Variants in DNAJA3 observed in about 807,000 individuals in gnomAD.
DNAJA3 encodes dnaJ homolog subfamily A member 3, mitochondrial.
Under a neutral mutation model 54.9 loss-of-function variants are expected in DNAJA3, and 29 were observed. The observed-to-expected ratio is 0.53, with a 90% CI of 0.39 to 0.72. The LOEUF (loss-of-function observed/expected upper bound fraction) is 0.72, where lower values mean the gene tolerates loss of function less well. Among genes scored for constraint, DNAJA3 ranks in the 30% least tolerant of loss-of-function variants. DNAJA3 has a pLI of 0.00. For missense variants in DNAJA3, 708 were observed against 639.4 expected (o/e 1.11, Z -1.16); for synonymous variants, 302 against 251.4 (o/e 1.20, Z -1.90).
At chr16:4,450,606 G>C (rs2056966571) in intron 10 of DNAJA3, 109 bp downstream of exon 10, 1 of 838,398 alleles carries the variant, frequency 1.2e-6, no homozygotes, top group Admixed American at 2.9e-5. Context: ...TCTTCATGAA[G>C]CCTTTAAAAT....
chr16:4,449,156 C>T (rs943402583), intron 9 of DNAJA3, among the ~76,000 whole-genome samples: 1 of 151,718 alleles, frequency 6.6e-6, no homozygotes, highest in Non-Finnish European at 1.5e-5. Flanking sequence ...GCCACCATGC[C>T]CGGCTAATTT....
In DNAJA3 at chr16:4,454,893, T is replaced by G. The variant is rs1567336881; in HGVS notation, c.1422T>G (p.Leu474=). The G allele has an allele frequency of 6.2e-7, 1 of 1,613,826 alleles. No individual in the cohort carries two copies. The change falls in exon 11 of 12, where the codon CTT becomes CTG. Residue 474 remains leucine (L), a synonymous_variant. Coordinates refer to ENST00000262375, the MANE Select transcript of DNAJA3 (RefSeq NM_005147.6). ...ACGAGGAGGGATTCCTTTCCAAACT[T>G]AAGAAAATGTTTACCTCATGATATC... is the stretch of plus-strand genomic sequence containing the variant. ...GEDEEGFLSK[L]KKMFTS
chr16:4,443,294 T>A, intron 6 of DNAJA3, 130 bp downstream of exon 6: 1 of 1,221,754 alleles, frequency 8.2e-7, no homozygotes. Context: ...TTGGTAGAAG[T>A]TATGGTTGAG....
intron 4 of DNAJA3, among the ~76,000 whole-genome samples, chr16:4,441,981 T>C (rs898980208): frequency 1.3e-5 from 2 of 152,220 alleles, no homozygotes; most frequent in African/African-American, 4.8e-5. Context: ...TTGTGGATCA[T>C]TCAGGCTGTT....
Position 4,434,346 on chromosome 16 carries a change from C to G in DNAJA3, c.212-38C>G, listed in dbSNP as rs780722444. The G allele has an allele frequency of 2.5e-6, 4 of 1,603,838 alleles. No homozygotes were observed. In the South Asian group the frequency reaches 4.5e-5, roughly 18 times the overall value. ...ACTCACAGTTTTCTTTTGTTGAGAA[C>G]ATTCCCAGAGTGATTTTCTTTGTTT... On this transcript the variant is annotated intron_variant, in intron 1 of 11. Transcript: ENST00000262375.
chr16:4,450,223 A>G, intron 9 of DNAJA3, 177 bp from the exon 10 acceptor site: 1 of 556,648 alleles, frequency 1.8e-6, no homozygotes, highest in Non-Finnish European at 3.2e-6. Flanking sequence ...GCTTTTCTGT[A>G]CAGAAGCTTT....
At chr16:4,448,962 G>C in intron 9 of DNAJA3, 114 bp downstream of exon 9, 1 of 716,366 alleles carries the variant, frequency 1.4e-6, no homozygotes. Flanking sequence ...GTTCCTGCCC[G>C]AGTTATCTGT....
At chr16:4,444,138 C>G (rs923584928) in intron 6 of DNAJA3, among the ~76,000 whole-genome samples, 1 of 152,160 alleles carries the variant, frequency 6.6e-6, no homozygotes, top group Non-Finnish European at 1.5e-5. Context: ...ACTGCCTAGA[C>G]CAAGCCTGAG....
intron 1 of DNAJA3, among the ~76,000 whole-genome samples, chr16:4,432,589 G>A (rs961841367): frequency 8.6e-5 from 13 of 151,974 alleles, no homozygotes; most frequent in African/African-American, 3.1e-4. Flanking sequence ...TGATCCGCCC[G>A]CCTTGGCCTC....
intron 5 of DNAJA3, chr16:4,442,771 G>T: frequency 3.5e-6 from 2 of 577,454 alleles, no homozygotes; most frequent in Non-Finnish European, 3.0e-6. Flanking sequence ...CTGTAGACAG[G>T]CGGTATCATA....
chr16:4,451,860 A>C (rs2056982613), intron 10 of DNAJA3, among the ~76,000 whole-genome samples: 1 of 150,184 alleles, frequency 6.7e-6, no homozygotes, highest in Admixed American at 6.7e-5. Context: ...GGAGTTTGAG[A>C]CCAGCCTGAC....
At chr16:4,438,635 CTT>C (rs56211652) in intron 3 of DNAJA3, among the ~76,000 whole-genome samples, 8 of 110,644 alleles carry the variant, frequency 7.2e-5, no homozygotes, top group Non-Finnish European at 5.2e-5. Flanking sequence ...ACAATCTTTT[CTT>C]TTTTTTTTTT....
At position 4,448,856 on chromosome 16, in the gene DNAJA3, C is replaced by T. The variant is rs2056940328; in HGVS notation, c.1241+8C>T. On this transcript the variant is annotated splice_region_variant and intron_variant, in intron 9 of 11. Coordinates refer to ENST00000262375, the MANE Select transcript of DNAJA3 (RefSeq NM_005147.6). The stretch of plus-strand genomic sequence containing the variant: ...CAAGATACGAGTTCCAAAGTAAGTG[C>T]CCCCTAGGCTGTGGCCAAGCCCGCC... 1.2e-6 allele frequency: 2 copies of T among 1,607,664 alleles called. No homozygotes were observed. Among genetic ancestry groups the T allele is most frequent in the Non-Finnish European group, 1.7e-6 (2 of 1,175,190 alleles).
rs987968777 is a variant in DNAJA3 at position 4,450,138 on chromosome 16, TCC to T, written c.1242-259_1242-258del. ...CACATACACACTGGTAAAATCTGTT[TCC>T]CCTCCTGTAAACTGTATTTAGCATA... On this transcript the variant is annotated intron_variant, in intron 9 of 11. Coordinates refer to ENST00000262375, the MANE Select transcript of DNAJA3 (RefSeq NM_005147.6). 2.9e-5 allele frequency: 12 copies of T among 410,060 alleles called. No homozygotes were observed. The Admixed American group carries it at 4.3e-4, about 15-fold the overall frequency. 25.4% of individuals were successfully genotyped at this position (410,060 alleles called of 1,614,324 possible).
intron 3 of DNAJA3, among the ~76,000 whole-genome samples, chr16:4,439,533 T>C (rs2141379630): frequency 6.6e-6 from 1 of 152,242 alleles, no homozygotes; most frequent in East Asian, 1.9e-4. Flanking sequence ...GATTCAATTT[T>C]TAATGGGGCG....
At position 4,450,371 on chromosome 16, in the gene DNAJA3, C is replaced by T. The variant is rs1309780985; in HGVS notation, c.1242-29C>T. ...CTTTCCAAAGCTTCCCGGCGGAAGC[C>T]TTGGCTGCTGACTCTGCTCGGTCCA... is the stretch of plus-strand genomic sequence containing the variant. On this transcript the variant is annotated intron_variant, in intron 9 of 11. Transcript: ENST00000262375. The T allele has an allele frequency of 1.9e-6, 3 of 1,562,248 alleles. No individual in the cohort carries two copies. The African/African-American group carries it at 4.1e-5, about 21-fold the overall frequency.
In DNAJA3 at chr16:4,454,858, G is replaced by C. The variant is rs529800201; in HGVS notation, c.1387G>C (p.Ala463Pro). ...CGCAGGAAGCAAGGCTAGGCGTGAG[G>C]CTGGGGAGGACGAGGAGGGATTCCT... ...SSAGSKARREAGEDEEGFLSK... is the reference protein window; with the variant it reads ...SSAGSKARREPGEDEEGFLSK... The change falls in exon 11 of 12, where the codon GCT becomes CCT. Residue 463 changes from alanine to proline, a missense_variant. Physicochemically the swap from Ala to Pro is conservative, Grantham distance 27 (BLOSUM62 -1). Coordinates refer to ENST00000262375, the MANE Select transcript of DNAJA3 (RefSeq NM_005147.6). 2.0e-5 allele frequency: 32 copies of C among 1,614,146 alleles called. No homozygotes were observed. The East Asian group carries it at 5.8e-4, about 29-fold the overall frequency.
At chr16:4,450,560 A>G in intron 10 of DNAJA3, 63 bp downstream of exon 10, 1 of 1,277,562 alleles carries the variant, frequency 7.8e-7, no homozygotes, top group Non-Finnish European at 1.1e-6. Flanking sequence ...GGGTATGGAC[A>G]ATTCAGGGCA....
chr16:4,452,781 T>G (rs973080792), intron 10 of DNAJA3, among the ~76,000 whole-genome samples: 5 of 152,128 alleles, frequency 3.3e-5, no homozygotes, highest in African/African-American at 9.7e-5. Flanking sequence ...CAAAGTAGTA[T>G]GCACCTCTAT....
Sources: gnomAD v4.1 joint callset for allele counts (sites outside exome capture counted in the v4.1 genomes callset) on GRCh38, gnomAD v4.1.1 for gene constraint, MANE v1.5 for transcripts, NCBI Gene and HGNC (gene_info 2026-07-23, HGNC 2026-07-21) for gene names.